The following FANCA variants were observed in gnomAD, a reference collection of about 807,000 sequenced individuals.
FANCA encodes FA complementation group A.
A neutral mutation model predicts 194.3 loss-of-function variants in FANCA; 236 were observed. That is an observed-to-expected ratio of 1.21 (90% CI 1.09 to 1.35). FANCA has a LOEUF of 1.35. Among genes scored for constraint, FANCA ranks in the 40% most tolerant of loss-of-function variants. The pLI is 0.00. For missense variants in FANCA, 2,628 were observed against 1,813.9 expected, an observed-to-expected ratio of 1.45 and a Z score of -8.15; for synonymous variants, 1,014 against 715.8, an observed-to-expected ratio of 1.42 and a Z score of -6.65.
rs1555578001 is a variant in FANCA, at chr16:89,813,806, C to CTCTGTG, written c.283+713_283+714insCACAGA. Among the ~76,000 whole-genome samples, 9 of 149,546 alleles carry CTCTGTG rather than the reference C, an allele frequency of 6.0e-5. No homozygotes were observed. The East Asian group carries it at 1.6e-3, about 26-fold the overall frequency. On this transcript the variant is annotated intron_variant, in intron 3 of 42. Transcript: ENST00000389301. ...AGTTTTTTTATCTACAAGTCTTTTA[C>CTCTGTG]TGTGTGTGTGTGTGTGTGTGTGTGT...
chr16:89,807,582 T>A (rs1429874464), intron 6 of FANCA, among the ~76,000 whole-genome samples: 2 of 152,014 alleles, frequency 1.3e-5, no homozygotes, highest in East Asian at 3.9e-4. Context: ...AAACCACATC[T>A]CTACTAAAAA....
intron 21 of FANCA, among the ~76,000 whole-genome samples, chr16:89,773,720 G>T (rs897993984): frequency 6.6e-6 from 1 of 152,012 alleles, no homozygotes; most frequent in African/African-American, 2.4e-5. Flanking sequence ...GGGCTGGCGA[G>T]GGTGGGGACA....
intron 3 of FANCA, among the ~76,000 whole-genome samples, chr16:89,811,950 T>G (rs2040898873): frequency 6.6e-6 from 1 of 150,922 alleles, no homozygotes; most frequent in South Asian, 2.1e-4. Context: ...TAGGCTCGTC[T>G]CCAATTCCCA....
At chr16:89,778,312 A>G (rs1417563284) in intron 20 of FANCA, 2 of 305,980 alleles carry the variant, frequency 6.5e-6, no homozygotes, top group African/African-American at 2.4e-5. Context: ...CTAAAAATAC[A>G]AAAATTAGCA....
chr16:89,809,158 G>C (rs1040446461), intron 5 of FANCA, among the ~76,000 whole-genome samples: 1 of 151,734 alleles, frequency 6.6e-6, no homozygotes, highest in African/African-American at 2.4e-5. Context: ...CACCTGCCTC[G>C]GCCTCCCAAA....
intron 27 of FANCA, among the ~76,000 whole-genome samples, 197 bp from the exon 28 acceptor site, chr16:89,765,263 C>A (rs2039087491): frequency 6.7e-6 from 1 of 150,070 alleles, no homozygotes; most frequent in Non-Finnish European, 1.5e-5. Context: ...CCTGGGAGGG[C>A]ACAACACACA....
chr16:89,749,307 G>C (rs1325526488), intron 32 of FANCA, among the ~76,000 whole-genome samples: 2 of 152,138 alleles, frequency 1.3e-5, no homozygotes, highest in Non-Finnish European at 2.9e-5. Context: ...CTGCCTCCCA[G>C]GTTCACACCA....
At chr16:89,748,892 T>A in intron 32 of FANCA, 125 bp from the exon 33 acceptor site, 1 of 777,432 alleles carries the variant, frequency 1.3e-6, no homozygotes, top group Non-Finnish European at 2.2e-6. Context: ...AACCAGAGCC[T>A]TGGCCTGTGT....
rs999136566 is a variant in FANCA, at chr16:89,798,363, TCA to T, written c.893+801_893+802del. The T allele has an allele frequency of 2.2e-5, 23 of 1,039,620 alleles. No homozygotes were observed. The African/African-American group carries it at 3.7e-4, about 17-fold the overall frequency. The allele number at this position is 1,039,620 out of a possible 1,614,324, so 64.4% of individuals were successfully genotyped here. A position where few individuals can be genotyped will look rare whatever the true frequency, so the allele number is the denominator to read the frequency against. ...GATGCACATGTAAACATTCAGGAAA[TCA>T]CACAGTGCTTTATTCACTGTTTCAG... is the stretch of plus-strand genomic sequence containing the variant. On this transcript the variant is annotated intron_variant, in intron 10 of 42. Transcript: ENST00000389301.
chr16:89,792,819 G>A (rs909457405), intron 11 of FANCA: 1 of 405,246 alleles, frequency 2.5e-6, no homozygotes, highest in South Asian at 2.0e-5. Context: ...GGTAAAGAGT[G>A]TGAGTCATCT....
At chr16:89,813,607 G>GT (rs2040988663) in intron 3 of FANCA, among the ~76,000 whole-genome samples, 1 of 151,912 alleles carries the variant, frequency 6.6e-6, no homozygotes, top group East Asian at 1.9e-4. Context: ...TAATTTTTGT[G>GT]TTTTTTAGTA....
At chr16:89,813,389 CAG>C (rs1382879549) in intron 3 of FANCA, among the ~76,000 whole-genome samples, 1 of 143,508 alleles carries the variant, frequency 7.0e-6, no homozygotes, top group Non-Finnish European at 1.5e-5. Flanking sequence ...GTCCAGGCAA[CAG>C]AGTGAGACCC....
At chr16:89,801,200 C>T (rs1271589133) in intron 8 of FANCA, among the ~76,000 whole-genome samples, 1 of 150,324 alleles carries the variant, frequency 6.7e-6, no homozygotes, top group Non-Finnish European at 1.5e-5. Flanking sequence ...AAAAACTAGC[C>T]GGGAGTGGTG....
At chr16:89,805,471 A>ATTT in intron 6 of FANCA, 79 bp from the exon 7 acceptor site, 1 of 1,084,236 alleles carries the variant, frequency 9.2e-7, no homozygotes, top group Non-Finnish European at 1.4e-6. Context: ...ATATGTCCCA[A>ATTT]TTTTTTTTTT....
In FANCA at chr16:89,738,045, T is replaced by C; in HGVS notation, c.*556A>G. 1 of 1,614,112 alleles carries C rather than the reference T, an allele frequency of 6.2e-7. No individual in the cohort carries two copies. Among genetic ancestry groups the C allele is most frequent in the Non-Finnish European group, 8.5e-7 (1 of 1,180,030 alleles). ...AGTACCACATGACCAAACACAAGGC[T>C]GAGACTGAGCTGGACTTTGCCTGTG... On this transcript the variant is annotated 3_prime_UTR_variant, in exon 43 of 43. Coordinates refer to ENST00000389301, the MANE Select transcript of FANCA (RefSeq NM_000135.4).
chr16:89,808,133 C>G (rs2040734172), intron 6 of FANCA, among the ~76,000 whole-genome samples, 161 bp downstream of exon 6: 1 of 152,094 alleles, frequency 6.6e-6, no homozygotes, highest in African/African-American at 2.4e-5. Flanking sequence ...GCAATAGTTC[C>G]TCCAGGTCTA....
chr16:89,758,828 C>A, intron 29 of FANCA, 123 bp from the exon 30 acceptor site: 1 of 1,463,222 alleles, frequency 6.8e-7, no homozygotes, highest in South Asian at 1.2e-5. Flanking sequence ...TTGAGACTGG[C>A]GGCTCGGGAC....
At chr16:89,779,747 G>C (rs1046142135) in intron 18 of FANCA, 122 bp downstream of exon 18, 3 of 822,294 alleles carry the variant, frequency 3.6e-6, no homozygotes, top group Non-Finnish European at 4.1e-6. Context: ...ACGCTGGCAG[G>C]CATCAGAGCG....
At chr16:89,785,372 G>C (rs2039862520) in intron 14 of FANCA, among the ~76,000 whole-genome samples, 1 of 152,206 alleles carries the variant, frequency 6.6e-6, no homozygotes, top group African/African-American at 2.4e-5. Flanking sequence ...TTTGTGCACA[G>C]CAAACAAATT....
Sources: gnomAD v4.1 joint callset for allele counts (sites outside exome capture counted in the v4.1 genomes callset) on GRCh38, gnomAD v4.1.1 for gene constraint, MANE v1.5 for transcripts, NCBI Gene and HGNC (gene_info 2026-07-23, HGNC 2026-07-21) for gene names.